Variants in NEGR1 observed in about 807,000 individuals in gnomAD.
The protein encoded by NEGR1 is neuronal growth regulator 1.
Under a neutral mutation model 40.9 loss-of-function variants are expected in NEGR1, and 10 were observed. The observed-to-expected ratio is 0.24, with a 90% CI of 0.15 to 0.42. The LOEUF is 0.42. Among genes scored for constraint, NEGR1 ranks in the 10% least tolerant of loss-of-function variants. The pLI is 1.00. For synonymous variants in NEGR1, 185 were observed against 166.8 expected (o/e 1.11, Z -0.84); for missense variants, 352 against 438.9 (o/e 0.80, Z 1.77).
At chr1:72,014,831 G>A (rs570136483) in intron 1 of NEGR1, among the ~76,000 whole-genome samples, 2 of 152,016 alleles carry the variant, frequency 1.3e-5, no homozygotes, top group East Asian at 3.9e-4. Flanking sequence ...CACAAACAAA[G>A]ATGGTCTTCA....
intron 2 of NEGR1, among the ~76,000 whole-genome samples, chr1:71,821,730 G>A (rs1231979226): frequency 6.6e-6 from 1 of 152,000 alleles, no homozygotes; most frequent in Non-Finnish European, 1.5e-5. Context: ...TAGACATCAT[G>A]ACATTTGTAG....
chr1:71,672,049 A>G (rs764689204), intron 4 of NEGR1, among the ~76,000 whole-genome samples: 9 of 151,768 alleles, frequency 5.9e-5, no homozygotes, highest in Non-Finnish European at 1.2e-4. Flanking sequence ...TCTGCTCTCT[A>G]TTTCAACCAT....
At chr1:71,650,785 A>AT (rs1161476418) in intron 4 of NEGR1, among the ~76,000 whole-genome samples, 1 of 152,188 alleles carries the variant, frequency 6.6e-6, no homozygotes, top group Non-Finnish European at 1.5e-5. Context: ...AAAAAATACA[A>AT]TTTTAAAAGT....
At chr1:72,275,774 G>C (rs1656030865) in intron 1 of NEGR1, among the ~76,000 whole-genome samples, 1 of 152,076 alleles carries the variant, frequency 6.6e-6, no homozygotes, top group Non-Finnish European at 1.5e-5. Context: ...TTGTTTTACA[G>C]AAGTAAACGA....
At chr1:72,082,524 G>T (rs1294942673) in intron 1 of NEGR1, among the ~76,000 whole-genome samples, 2 of 151,946 alleles carry the variant, frequency 1.3e-5, no homozygotes, top group African/African-American at 4.8e-5. Flanking sequence ...TACATTATCT[G>T]AGGACACACA....
intron 1 of NEGR1, among the ~76,000 whole-genome samples, chr1:71,983,849 C>G (rs1646373774): frequency 6.6e-6 from 1 of 152,022 alleles, no homozygotes; most frequent in African/African-American, 2.4e-5. Context: ...CTTATTTTTT[C>G]TATTCATAAC....
At chr1:72,072,839 G>T (rs1252084093) in intron 1 of NEGR1, among the ~76,000 whole-genome samples, 1 of 152,116 alleles carries the variant, frequency 6.6e-6, no homozygotes, top group Non-Finnish European at 1.5e-5. Context: ...AATAATTGGT[G>T]GGGAAATATG....
At chr1:71,553,331 C>G (rs357204) in intron 6 of NEGR1, among the ~76,000 whole-genome samples, 149,959 of 151,680 alleles carry the variant, frequency 0.99, 74,143 homozygotes, top group East Asian at 1. Flanking sequence ...CCTGAAATCT[C>G]TCTGGTATCA....
At chr1:72,176,623 T>C (rs1390056410) in intron 1 of NEGR1, among the ~76,000 whole-genome samples, 1 of 151,884 alleles carries the variant, frequency 6.6e-6, no homozygotes, top group African/African-American at 2.4e-5. Flanking sequence ...ACTTGGATAA[T>C]GAAAGTGGCT....
At position 71,916,858 on chromosome 1, in the gene NEGR1, C is replaced by A. The variant is rs1023920421; in HGVS notation, c.409+18221G>T. On this transcript the variant is annotated intron_variant, in intron 2 of 6. Coordinates refer to ENST00000357731, the MANE Select transcript of NEGR1 (RefSeq NM_173808.3). ...TAGACAGATTATTCCCAGTGAAAGT[C>A]CTCATTTTTTAGTCAACCATAGGTA... 3.3e-5 allele frequency among the ~76,000 whole-genome samples: 5 copies of A among 152,164 alleles called. 1 individual carries two copies. Among genetic ancestry groups the A allele is most frequent in the African/African-American group, 9.6e-5 (4 of 41,454 alleles).
intron 4 of NEGR1, among the ~76,000 whole-genome samples, chr1:71,666,619 G>A (rs1652251500): frequency 6.6e-6 from 1 of 151,938 alleles, no homozygotes; most frequent in Non-Finnish European, 1.5e-5. Context: ...AATTATATTG[G>A]GATTTACTAC....
chr1:71,510,886 T>A (rs1647068810), intron 6 of NEGR1, among the ~76,000 whole-genome samples: 3 of 152,176 alleles, frequency 2.0e-5, no homozygotes, highest in Admixed American at 2.0e-4. Context: ...ACAAATATTT[T>A]GAAAAAGGAA....
intron 4 of NEGR1, among the ~76,000 whole-genome samples, chr1:71,679,530 A>G (rs7522708): frequency 0.46 from 69,957 of 151,958 alleles, 16,161 homozygotes; most frequent in Middle Eastern, 0.54. Context: ...TTTATTCAGC[A>G]TCACTGCTAA....
intron 3 of NEGR1, among the ~76,000 whole-genome samples, chr1:71,716,418 C>T (rs1410874335): frequency 6.6e-6 from 1 of 151,874 alleles, no homozygotes; most frequent in African/African-American, 2.4e-5. Context: ...CAATTTTACC[C>T]CACCAAATGG....
chr1:72,002,329 CAATA>C (rs1215200739), intron 1 of NEGR1, among the ~76,000 whole-genome samples: 1 of 152,014 alleles, frequency 6.6e-6, no homozygotes, highest in Non-Finnish European at 1.5e-5. Context: ...AAAAAATTCA[CAATA>C]AATAATTTTA....
chr1:71,560,664 A>G (rs186564616), intron 6 of NEGR1, among the ~76,000 whole-genome samples: 1 of 150,978 alleles, frequency 6.6e-6, no homozygotes, highest in Non-Finnish European at 1.5e-5. Context: ...GCTCTCAAAA[A>G]ACATTTTGTG....
intron 2 of NEGR1, 111 bp downstream of exon 2, chr1:71,934,968 T>G (rs1645890054): frequency 1.5e-6 from 1 of 675,088 alleles, no homozygotes; most frequent in African/African-American, 1.8e-5. Flanking sequence ...AATATTTCAA[T>G]GACAACAAAT....
At chr1:71,564,777 T>A (rs1235534981) in intron 6 of NEGR1, among the ~76,000 whole-genome samples, 2 of 152,116 alleles carry the variant, frequency 1.3e-5, no homozygotes, top group Non-Finnish European at 2.9e-5. Flanking sequence ...TTCACAAGGA[T>A]AAAACTGGAA....
At chr1:72,098,879 C>A (rs1648819516) in intron 1 of NEGR1, among the ~76,000 whole-genome samples, 1 of 152,000 alleles carries the variant, frequency 6.6e-6, no homozygotes, top group Admixed American at 6.6e-5. Flanking sequence ...GATGAAGTGG[C>A]ATTTCCCTCA....
Sources: allele counts gnomAD v4.1 joint callset (sites outside exome capture counted in the v4.1 genomes callset), GRCh38; gene constraint gnomAD v4.1.1; transcripts MANE v1.5; gene names NCBI Gene and HGNC (gene_info 2026-07-23, HGNC 2026-07-21).